ANXA8: variants seen among roughly 807,000 people sequenced by gnomAD.
ANXA8 encodes VAC-beta.
ANXA8 carries 9 observed loss-of-function variants against 26.8 expected under a neutral mutation model. That is an observed-to-expected ratio of 0.34 (90% CI 0.20 to 0.59). ANXA8 has a LOEUF of 0.59. Among genes scored for constraint, ANXA8 ranks in the 20% least tolerant of loss-of-function variants. The probability of loss-of-function intolerance (pLI) is 0.84; values close to 1 mark genes in which losing one functional copy is unlikely to be tolerated. For synonymous variants in ANXA8, 39 were observed against 94.8 expected (o/e 0.41, Z 3.42); for missense variants, 83 against 238.5 (o/e 0.35, Z 4.29).
chr10:47,626,565 G>T, the ANXA8 span, among the ~76,000 whole-genome samples: 8 of 149,718 alleles, frequency 5.3e-5, 1 homozygote, highest in African/African-American at 2.0e-4. Context: ...AATATATACA[G>T]AACTTCTTTA....
chr10:47,895,208 G>A, the ANXA8 span, among the ~76,000 whole-genome samples: 1 of 151,834 alleles, frequency 6.6e-6, no homozygotes, highest in Non-Finnish European at 1.5e-5. Context: ...TGGGGACGGA[G>A]GACTGCGGGG....
At chr10:47,484,953 C>T (rs1840004850), upstream of ANXA8, among the ~76,000 whole-genome samples, 1 of 149,158 alleles carries the variant, frequency 6.7e-6, no homozygotes, top group Admixed American at 6.7e-5. Flanking sequence ...TTTCACCACG[C>T]TTCCCGGGAT....
chr10:47,502,661 C>T, the ANXA8 span: 1 of 1,608,128 alleles, frequency 6.2e-7, no homozygotes, highest in Non-Finnish European at 8.5e-7. Context: ...TTCAAACTGG[C>T]CCACTTAGGA....
chr10:47,972,226 A>G, the ANXA8 span, among the ~76,000 whole-genome samples: 1 of 151,200 alleles, frequency 6.6e-6, no homozygotes, highest in East Asian at 2.0e-4. Flanking sequence ...GAAGTGAAGC[A>G]CTTGCCCAAG....
chr10:47,733,209 C>CT, the ANXA8 span, among the ~76,000 whole-genome samples: 147 of 63,876 alleles, frequency 2.3e-3, 1 homozygote, highest in East Asian at 4.8e-3. Flanking sequence ...TTCTTTCTTT[C>CT]TTTCTTTCTT....
At chr10:47,768,486 A>G in the ANXA8 span, among the ~76,000 whole-genome samples, 2 of 151,064 alleles carry the variant, frequency 1.3e-5, no homozygotes, top group African/African-American at 4.9e-5. Flanking sequence ...CTGCTGGACA[A>G]CTGTCCCCCA....
the ANXA8 span, among the ~76,000 whole-genome samples, chr10:47,947,466 A>G: frequency 4.1e-5 from 6 of 147,310 alleles, no homozygotes; most frequent in Admixed American, 1.3e-4. Context: ...AGAAATCTGT[A>G]CAGTTGATAT....
At chr10:47,594,855 A>G in the ANXA8 span, among the ~76,000 whole-genome samples, 1 of 149,022 alleles carries the variant, frequency 6.7e-6, no homozygotes, top group African/African-American at 2.6e-5. Context: ...GAAAAAATTC[A>G]AGAAAATATT....
At chr10:47,672,680 G>A in the ANXA8 span, among the ~76,000 whole-genome samples, 2 of 151,924 alleles carry the variant, frequency 1.3e-5, no homozygotes, top group African/African-American at 4.9e-5. Flanking sequence ...AAGGCATGAA[G>A]GGTGACTGAG....
the ANXA8 span, among the ~76,000 whole-genome samples, chr10:47,550,320 A>G: frequency 6.7e-6 from 1 of 149,840 alleles, no homozygotes; most frequent in Middle Eastern, 3.4e-3. Context: ...GCGCACTTCC[A>G]CCAGCATGTG....
At chr10:47,528,375 G>A in the ANXA8 span, among the ~76,000 whole-genome samples, 2 of 118,248 alleles carry the variant, frequency 1.7e-5, no homozygotes, top group Admixed American at 8.6e-5. Flanking sequence ...ACTGCACCCG[G>A]CTAGACTTAA....
the ANXA8 span, among the ~76,000 whole-genome samples, chr10:47,500,393 A>G: frequency 2.8e-5 from 4 of 142,634 alleles, no homozygotes; most frequent in Admixed American, 7.1e-5. Flanking sequence ...TTTCCAATCC[A>G]GCTTTCCCTC....
chr10:47,743,329 C>CATATATATATATATACACAT, the ANXA8 span, among the ~76,000 whole-genome samples: 13 of 47,784 alleles, frequency 2.7e-4, no homozygotes, highest in African/African-American at 4.9e-4. Flanking sequence ...TATATATATA[C>CATATATATATATATACACAT]ATATATATAT....
chr10:47,704,689 A>G, the ANXA8 span, among the ~76,000 whole-genome samples: 7 of 151,958 alleles, frequency 4.6e-5, no homozygotes, highest in South Asian at 2.1e-4. Context: ...TTAGCAAAGT[A>G]GCTGGATATA....
At chr10:47,991,773 G>A in the ANXA8 span, 8 of 1,609,028 alleles carry the variant, frequency 5.0e-6, 1 homozygote, top group Admixed American at 1.0e-4. Context: ...GACTCCACAT[G>A]TCTGGCTCCT....
the ANXA8 span, among the ~76,000 whole-genome samples, chr10:47,944,726 C>A: frequency 4.0e-5 from 6 of 150,548 alleles, no homozygotes; most frequent in Non-Finnish European, 8.8e-5. Context: ...ATTCACCTTC[C>A]ACCATGATTG....
At chr10:47,705,071 A>G in the ANXA8 span, among the ~76,000 whole-genome samples, 6 of 152,064 alleles carry the variant, frequency 3.9e-5, no homozygotes, top group African/African-American at 1.2e-4. Flanking sequence ...TTAAAGACCA[A>G]TAAGATTTTC....
At chr10:47,680,063 C>T in the ANXA8 span, among the ~76,000 whole-genome samples, 1 of 151,462 alleles carries the variant, frequency 6.6e-6, no homozygotes, top group Non-Finnish European at 1.5e-5. Context: ...GCAACCTCCA[C>T]CTCCTGGATT....
chr10:47,603,709 C>A, the ANXA8 span, among the ~76,000 whole-genome samples: 1 of 147,242 alleles, frequency 6.8e-6, no homozygotes, highest in East Asian at 1.9e-4. Context: ...CGGGGTTTCA[C>A]CAAATTGGCC....
Sources: gnomAD v4.1 joint callset for allele counts (sites outside exome capture counted in the v4.1 genomes callset) on GRCh38, gnomAD v4.1.1 for gene constraint, MANE v1.5 for transcripts, NCBI Gene and HGNC (gene_info 2026-07-23, HGNC 2026-07-21) for gene names.